The following MAD1L1 variants were observed in gnomAD, a reference collection of about 807,000 sequenced individuals.
MAD1L1 encodes mitotic arrest deficient 1 like 1.
MAD1L1 carries 95 observed loss-of-function variants against 96.9 expected under a neutral mutation model. The observed-to-expected ratio is 0.98, with a 90% CI of 0.83 to 1.16. MAD1L1 has a LOEUF of 1.16. Ranked by LOEUF, MAD1L1 falls within the 50% of genes most tolerant of loss-of-function variation. The pLI is 0.00. For missense variants in MAD1L1, 1,007 were observed against 954.4 expected, an observed-to-expected ratio of 1.06 and a Z score of -0.73; for synonymous variants, 473 against 396.6, an observed-to-expected ratio of 1.19 and a Z score of -2.29.
At chr7:1,971,078 C>T (rs544307287) in intron 15 of MAD1L1, among the ~76,000 whole-genome samples, 28 of 152,300 alleles carry the variant, frequency 1.8e-4, no homozygotes, top group African/African-American at 6.0e-4. Flanking sequence ...GCCAGCCCTT[C>T]GGTGTGCGAG....
At chr7:2,006,023 G>A (rs977113860) in intron 13 of MAD1L1, among the ~76,000 whole-genome samples, 1 of 152,126 alleles carries the variant, frequency 6.6e-6, no homozygotes, top group Non-Finnish European at 1.5e-5. Flanking sequence ...TGGGCATGGA[G>A]ATGGGGGAGC....
intron 18 of MAD1L1, among the ~76,000 whole-genome samples, chr7:1,875,436 G>A (rs1785333834): frequency 6.6e-6 from 1 of 152,220 alleles, no homozygotes; most frequent in Non-Finnish European, 1.5e-5. Flanking sequence ...AGGGAAGTCC[G>A]TGTTGACTTG....
At chr7:2,209,712 A>G (rs934160266) in intron 10 of MAD1L1, among the ~76,000 whole-genome samples, 4 of 152,152 alleles carry the variant, frequency 2.6e-5, no homozygotes, top group African/African-American at 7.2e-5. Flanking sequence ...GCAAGCCCCA[A>G]ATCCCAGCAA....
chr7:2,154,897 G>A (rs558258106), intron 10 of MAD1L1, among the ~76,000 whole-genome samples: 11 of 152,252 alleles, frequency 7.2e-5, no homozygotes, highest in South Asian at 2.1e-4. Flanking sequence ...CCCTCTTCTC[G>A]TATTAACAGC....
At chr7:2,100,087 G>A (rs913494468) in intron 11 of MAD1L1, among the ~76,000 whole-genome samples, 1 of 152,218 alleles carries the variant, frequency 6.6e-6, no homozygotes, top group African/African-American at 2.4e-5. Flanking sequence ...ACTACCTGTT[G>A]ATGGATAAGG....
intron 18 of MAD1L1, among the ~76,000 whole-genome samples, chr7:1,841,912 C>A (rs1783284191): frequency 6.6e-6 from 1 of 152,268 alleles, no homozygotes; most frequent in African/African-American, 2.4e-5. Context: ...TGGCTGAGAA[C>A]CCGGTAGCCA....
intron 11 of MAD1L1, among the ~76,000 whole-genome samples, chr7:2,078,569 A>C (rs1785489840): frequency 6.6e-6 from 1 of 152,230 alleles, no homozygotes; most frequent in African/African-American, 2.4e-5. Flanking sequence ...AAAGCAGAGG[A>C]GGCTGGCGGC....
At chr7:1,943,306 A>G (rs1779084596) in intron 16 of MAD1L1, among the ~76,000 whole-genome samples, 1 of 152,266 alleles carries the variant, frequency 6.6e-6, no homozygotes. Context: ...AAAGGACGCC[A>G]GTGACAGGCA....
chr7:2,054,147 G>A (rs987693281), intron 12 of MAD1L1, among the ~76,000 whole-genome samples: 1 of 152,234 alleles, frequency 6.6e-6, no homozygotes, highest in Non-Finnish European at 1.5e-5. Context: ...GAAAGGGCCA[G>A]GAGTTCCACA....
chr7:2,001,932 A>G, intron 14 of MAD1L1, 133 bp downstream of exon 14: 1 of 901,100 alleles, frequency 1.1e-6, no homozygotes, highest in East Asian at 2.4e-5. Flanking sequence ...TCCCCGCTCA[A>G]CGCAGCTTCC....
intron 14 of MAD1L1, among the ~76,000 whole-genome samples, chr7:1,989,674 C>T (rs570710536): frequency 2.4e-4 from 36 of 152,224 alleles, no homozygotes; most frequent in African/African-American, 8.2e-4. Context: ...CCAGCCCCAG[C>T]GTGGACCAGC....
chr7:2,134,148 G>C (rs568617039), intron 11 of MAD1L1, among the ~76,000 whole-genome samples: 1 of 152,340 alleles, frequency 6.6e-6, no homozygotes, highest in Non-Finnish European at 1.5e-5. Flanking sequence ...CGTGAACATA[G>C]AATGCCGCTG....
chr7:1,832,311 G>T (rs1782738666), intron 18 of MAD1L1, among the ~76,000 whole-genome samples: 1 of 152,172 alleles, frequency 6.6e-6, no homozygotes, highest in African/African-American at 2.4e-5. Context: ...GCCTGAAGAT[G>T]TGACTAAACT....
At chr7:2,046,441 G>T (rs1235364516) in intron 12 of MAD1L1, among the ~76,000 whole-genome samples, 1 of 146,332 alleles carries the variant, frequency 6.8e-6, no homozygotes, top group Non-Finnish European at 1.5e-5. Context: ...ACAGGCTCCG[G>T]CTGGGGCACT....
intron 14 of MAD1L1, among the ~76,000 whole-genome samples, chr7:1,990,271 C>G (rs571207404): frequency 1.3e-5 from 2 of 152,312 alleles, no homozygotes; most frequent in African/African-American, 4.8e-5. Flanking sequence ...GGGGCAGAGG[C>G]TCCAGGTCTC....
At chr7:1,997,447 G>A (rs1781606286) in intron 14 of MAD1L1, among the ~76,000 whole-genome samples, 1 of 152,244 alleles carries the variant, frequency 6.6e-6, no homozygotes, top group African/African-American at 2.4e-5. Context: ...AGCACCCACT[G>A]CCGAGCCAGT....
chr7:1,871,211 A>AAAT (rs1785069648), intron 18 of MAD1L1, among the ~76,000 whole-genome samples: 2 of 144,040 alleles, frequency 1.4e-5, no homozygotes, highest in Non-Finnish European at 3.0e-5. Flanking sequence ...AACCCACCGT[A>AAAT]ACACCTGCCA....
intron 10 of MAD1L1, among the ~76,000 whole-genome samples, chr7:2,161,244 T>C (rs1016874961): frequency 3.3e-5 from 5 of 151,414 alleles, no homozygotes; most frequent in Non-Finnish European, 5.9e-5. Context: ...GTGCCTGAGA[T>C]TGCAGGCGCG....
chr7:1,943,047 T>C (rs1779073387), intron 16 of MAD1L1, among the ~76,000 whole-genome samples: 1 of 152,196 alleles, frequency 6.6e-6, no homozygotes, highest in Non-Finnish European at 1.5e-5. Context: ...TTTCAACAAA[T>C]GCTGCTGGGA....
Sources: allele counts gnomAD v4.1 joint callset (sites outside exome capture counted in the v4.1 genomes callset), GRCh38; gene constraint gnomAD v4.1.1; transcripts MANE v1.5; gene names NCBI Gene and HGNC (gene_info 2026-07-23, HGNC 2026-07-21).